CSMD1: variants seen among roughly 807,000 people sequenced by gnomAD.
CSMD1 encodes the protein CUB and Sushi multiple domains 1.
A neutral mutation model predicts 417.5 loss-of-function variants in CSMD1; 213 were observed. The observed-to-expected ratio is 0.51, with a 90% CI of 0.46 to 0.57. The LOEUF (loss-of-function observed/expected upper bound fraction) is 0.57. Ranked by LOEUF, CSMD1 falls within the 20% of genes least tolerant of loss-of-function variation. The pLI is 0.00. For synonymous variants in CSMD1, 2,862 were observed against 1,736.8 expected (o/e 1.65, Z -16.11); for missense variants, 6,923 against 4,529.7 (o/e 1.53, Z -15.17).
At chr8:4,027,973 T>C (rs1412567647) in intron 4 of CSMD1, among the ~76,000 whole-genome samples, 1 of 152,144 alleles carries the variant, frequency 6.6e-6, no homozygotes, top group African/African-American at 2.4e-5. Flanking sequence ...GGATGCCCAA[T>C]GGCACTCTCT....
At chr8:3,191,313 G>C (rs1011434776) in intron 33 of CSMD1, among the ~76,000 whole-genome samples, 1 of 152,030 alleles carries the variant, frequency 6.6e-6, no homozygotes, top group South Asian at 2.1e-4. Context: ...AAAATTAGCC[G>C]GGCATGGTGG....
chr8:4,488,828 C>A (rs1347364788), intron 2 of CSMD1, among the ~76,000 whole-genome samples: 1 of 152,174 alleles, frequency 6.6e-6, no homozygotes, highest in Non-Finnish European at 1.5e-5. Context: ...AAAGAGATCG[C>A]CAGTTCCTTC....
chr8:4,368,662 C>A (rs1175218891), intron 3 of CSMD1, among the ~76,000 whole-genome samples: 2 of 152,038 alleles, frequency 1.3e-5, no homozygotes, highest in African/African-American at 4.8e-5. Flanking sequence ...TTGGTCTGTT[C>A]AGGATTTTAA....
At chr8:3,777,121 TACACACACAC>T (rs3028584) in intron 5 of CSMD1, among the ~76,000 whole-genome samples, 2,768 of 146,420 alleles carry the variant, frequency 0.019, 76 homozygotes, top group African/African-American at 0.058. Context: ...TATCTATACC[TACACACACAC>T]ACACACACAC....
chr8:4,830,065 C>T (rs1380517600), intron 1 of CSMD1, among the ~76,000 whole-genome samples: 1 of 152,184 alleles, frequency 6.6e-6, no homozygotes, highest in Non-Finnish European at 1.5e-5. Flanking sequence ...TGTGCACGTC[C>T]TGCCTAGGCC....
chr8:4,709,950 G>A lies in CSMD1; in HGVS notation c.86-72392C>T, dbSNP rs140901028. On this transcript the variant is annotated intron_variant, in intron 1 of 69. Coordinates refer to ENST00000635120, the MANE Select transcript of CSMD1 (RefSeq NM_033225.6). Reference sequence around the variant, plus strand: ...AACCATAAGAAAAAACAGGGTCTTGGAAGAAAATATCAGGTCGATTTAGAA... The same window carrying A: ...AACCATAAGAAAAAACAGGGTCTTGAAAGAAAATATCAGGTCGATTTAGAA... Among the ~76,000 whole-genome samples, 835 of 152,270 alleles carry A rather than the reference G, an allele frequency of 5.5e-3. 9 individuals are homozygous for A. Among genetic ancestry groups the A allele is most frequent in the Non-Finnish European group, 8.2e-3 (561 of 68,012 alleles).
chr8:2,998,976 C>G (rs562437357), intron 53 of CSMD1, among the ~76,000 whole-genome samples: 1 of 152,132 alleles, frequency 6.6e-6, no homozygotes, highest in East Asian at 1.9e-4. Context: ...TTTCTTTTGT[C>G]TACTTCATAG....
intron 1 of CSMD1, among the ~76,000 whole-genome samples, chr8:4,786,607 T>C (rs1797415054): frequency 6.6e-6 from 1 of 152,236 alleles, no homozygotes; most frequent in South Asian, 2.1e-4. Context: ...TCAACATTCG[T>C]AAGATGATGC....
At chr8:4,062,629 A>G (rs1259939074) in intron 3 of CSMD1, among the ~76,000 whole-genome samples, 2 of 152,088 alleles carry the variant, frequency 1.3e-5, no homozygotes, top group African/African-American at 2.4e-5. Flanking sequence ...AACAGCACTT[A>G]TTAGATTTCA....
In CSMD1 at chr8:3,225,825, T is replaced by A. The variant is rs537921190; in HGVS notation, c.4346-1958A>T. Among the ~76,000 whole-genome samples, 12 of 152,206 alleles carry A rather than the reference T, an allele frequency of 7.9e-5. No homozygotes were observed. In the East Asian group the frequency reaches 2.3e-3, roughly 29 times the overall value. ...TTTGGTCTGGTATTCTTCAAGTTAGTTTGCTTAGGTTTTAATTAGCTTGCA... is the reference window on the plus strand; with the variant it reads ...TTTGGTCTGGTATTCTTCAAGTTAGATTGCTTAGGTTTTAATTAGCTTGCA... On this transcript the variant is annotated intron_variant, in intron 27 of 69. Transcript: ENST00000635120.
intron 12 of CSMD1, among the ~76,000 whole-genome samples, chr8:3,465,659 C>T (rs897473865): frequency 6.6e-6 from 1 of 152,160 alleles, no homozygotes; most frequent in Non-Finnish European, 1.5e-5. Context: ...CAGGCTATTC[C>T]TGATTTCTTG....
intron 2 of CSMD1, among the ~76,000 whole-genome samples, chr8:4,572,875 A>G (rs973760684): frequency 6.6e-6 from 1 of 152,054 alleles, no homozygotes; most frequent in Admixed American, 6.6e-5. Flanking sequence ...TTGATCTTCA[A>G]TCGCTGATAT....
intron 40 of CSMD1, among the ~76,000 whole-genome samples, chr8:3,147,707 G>C (rs1359804711): frequency 6.6e-6 from 1 of 152,184 alleles, no homozygotes; most frequent in Non-Finnish European, 1.5e-5. Flanking sequence ...CACTCTCTTA[G>C]GGTCTAAGGC....
intron 3 of CSMD1, among the ~76,000 whole-genome samples, chr8:4,274,400 G>A (rs1056717515): frequency 2.0e-5 from 3 of 152,006 alleles, no homozygotes; most frequent in African/African-American, 2.4e-5. Context: ...CACTATCAAC[G>A]TGCTCAAAAT....
At chr8:3,896,579 T>A (rs796898285) in intron 5 of CSMD1, among the ~76,000 whole-genome samples, 3 of 152,056 alleles carry the variant, frequency 2.0e-5, no homozygotes, top group African/African-American at 7.2e-5. Context: ...TGGCGTGATC[T>A]CGGCTCACCG....
At chr8:4,780,330 A>G (rs1563365326) in intron 1 of CSMD1, among the ~76,000 whole-genome samples, 1 of 152,228 alleles carries the variant, frequency 6.6e-6, no homozygotes, top group Non-Finnish European at 1.5e-5. Context: ...GCTCTACTGC[A>G]TAATCTAGAA....
intron 3 of CSMD1, among the ~76,000 whole-genome samples, chr8:4,351,946 G>A (rs58009402): frequency 8.5e-6 from 1 of 117,264 alleles, no homozygotes; most frequent in African/African-American, 3.0e-5. Flanking sequence ...TTGCCTTTAT[G>A]CTATTTTTTT....
chr8:4,928,434 C>T (rs897029118), intron 1 of CSMD1, among the ~76,000 whole-genome samples: 5 of 152,192 alleles, frequency 3.3e-5, no homozygotes, highest in Admixed American at 3.3e-4. Flanking sequence ...TCGATAACTA[C>T]TAACATTGTT....
At chr8:2,985,953 GAAGGGGAAGGGGAAGGGGAAGGGA>G (rs1220159638) in intron 54 of CSMD1, among the ~76,000 whole-genome samples, 2 of 130,460 alleles carry the variant, frequency 1.5e-5, no homozygotes, top group Non-Finnish European at 3.2e-5. Context: ...AGGGGAAGGG[GAAGGGGAAGGGGAAGGGGAAGGGA>G]AAGGGGAAGG....
Sources: gnomAD v4.1 joint callset for allele counts (sites outside exome capture counted in the v4.1 genomes callset) on GRCh38, gnomAD v4.1.1 for gene constraint, MANE v1.5 for transcripts, NCBI Gene and HGNC (gene_info 2026-07-23, HGNC 2026-07-21) for gene names.